Variants in SIGLEC9 observed in about 807,000 individuals in gnomAD.
The protein encoded by SIGLEC9 is sialic acid-binding Ig-like lectin 9.
In SIGLEC9, 26 loss-of-function variants were observed where a neutral mutation model predicts 38.3. That is an observed-to-expected ratio of 0.68 (90% CI 0.50 to 0.94). The LOEUF is 0.94. SIGLEC9 is among the 40% of genes least tolerant of loss of function. The pLI, the probability that SIGLEC9 is intolerant of heterozygous loss-of-function variation, is 0.00. For missense variants in SIGLEC9, 556 were observed against 585.7 expected, an observed-to-expected ratio of 0.95 and a Z score of 0.52; for synonymous variants, 236 against 248.0, an observed-to-expected ratio of 0.95 and a Z score of 0.45.
In SIGLEC9 at chr19:51,124,925, C is replaced by A. The variant is rs1393264374; in HGVS notation, c.-50C>A. The A allele has an allele frequency of 6.4e-7, 1 of 1,562,166 alleles. No individual in the cohort carries two copies. The highest frequency in any genetic ancestry group is 8.7e-7 in the Non-Finnish European group (1 of 1,154,742). ...GAGCCCGCAGTTCCTGAGAGAAGAA[C>A]CCTGAGGAACAGACGTTCCCTCGCG... On this transcript the variant is annotated 5_prime_UTR_variant, in exon 1 of 7. Coordinates refer to ENST00000250360, the MANE Select transcript of SIGLEC9 (RefSeq NM_014441.3).
At chr19:51,132,735 A>G (rs1467718426), downstream of SIGLEC9, among the ~76,000 whole-genome samples, 1 of 152,162 alleles carries the variant, frequency 6.6e-6, no homozygotes, top group Non-Finnish European at 1.5e-5. Context: ...TTTCTTTATA[A>G]ATTACCCAGC....
At position 51,126,121 on chromosome 19, in the gene SIGLEC9, C is replaced by T. The variant is rs774357117; in HGVS notation, c.741C>T (p.Asp247=). ...TGACCATGACTGTCTTCCAAGGAGA[C>T]GGCACAGGTAGGATGGAGCTCCCTC... The part of the protein sequence containing the change: ...QNLTMTVFQG[D]GTVSTVLGNG... The change falls in exon 3 of 7, where the codon GAC becomes GAT. Residue 247 remains aspartate (D), a synonymous_variant. Coordinates refer to ENST00000250360, the MANE Select transcript of SIGLEC9 (RefSeq NM_014441.3). The T allele has an allele frequency of 4.5e-5, 72 of 1,613,790 alleles. No homozygotes were observed. The highest frequency in any genetic ancestry group is 3.1e-4 in the East Asian group (14 of 44,880).
upstream of SIGLEC9, among the ~76,000 whole-genome samples, chr19:51,124,187 C>G (rs2122830685): frequency 6.6e-6 from 1 of 152,330 alleles, no homozygotes; most frequent in East Asian, 1.9e-4. Flanking sequence ...CCAAGCCCCA[C>G]AGTACAACAG....
chr19:51,125,593 C>T lies in SIGLEC9; in HGVS notation c.422-4C>T. ...CTGATCCTGAGTCCCCCTCTCTTCA[C>T]CAGCCTTGACCCACAGGCCCAACAT... On this transcript the variant is annotated splice_polypyrimidine_tract_variant and splice_region_variant and intron_variant, in intron 1 of 6. Coordinates refer to ENST00000250360, the MANE Select transcript of SIGLEC9 (RefSeq NM_014441.3). The T allele has an allele frequency of 6.2e-7, 1 of 1,609,422 alleles. No individual in the cohort carries two copies. The highest frequency in any genetic ancestry group is 8.5e-7 in the Non-Finnish European group (1 of 1,179,844).
intron 2 of SIGLEC9, 64 bp downstream of exon 2, chr19:51,125,939 G>T (rs990627150): frequency 6.2e-7 from 1 of 1,602,982 alleles, no homozygotes. Flanking sequence ...GACACTGGGT[G>T]CTGGGTCCCG....
Position 51,127,954 on chromosome 19 carries a change from G to A in SIGLEC9, c.1021G>A (p.Ala341Thr). The A allele has an allele frequency of 6.2e-7, 1 of 1,611,730 alleles. No homozygotes were observed. The highest frequency in any genetic ancestry group is 8.5e-7 in the Non-Finnish European group (1 of 1,178,220). The change falls in exon 5 of 7, where the codon GCC (alanine) becomes ACC (threonine). Residue 341 changes from alanine (A) to threonine (T), a missense_variant. By Grantham distance (58) the Ala-to-Thr change is moderately conservative. Coordinates refer to ENST00000250360, the MANE Select transcript of SIGLEC9 (RefSeq NM_014441.3). ...TAACTCCCATCTGTCAACAGGCAAA[G>A]CCACATCAGGAGTGACTCAGGGGGT... The part of the protein sequence containing the change: ...VYLNVSLQSK[A>T]TSGVTQGVVG...
chr19:51,131,312 G>A (rs2092013563), downstream of SIGLEC9, among the ~76,000 whole-genome samples: 1 of 152,174 alleles, frequency 6.6e-6, no homozygotes, highest in Admixed American at 6.5e-5. Flanking sequence ...TCATGGCCGG[G>A]CACAGTGTCT....
Position 51,130,067 on chromosome 19 carries a change from G to A in SIGLEC9, c.1380G>A (p.Lys460=). Residue 460 remains lysine, a synonymous_variant, in exon 7 of 7, where the codon AAG becomes AAA. Transcript: ENST00000250360. ...CTGACACCGAGTACTCGGAGATCAAGATCCACAGATGAGAAACTGCAGAGA... is the reference window on the plus strand; with the variant it reads ...CTGACACCGAGTACTCGGAGATCAAAATCCACAGATGAGAAACTGCAGAGA... ...EATDTEYSEI[K]IHR 4 of 1,611,148 alleles carry A rather than the reference G, an allele frequency of 2.5e-6. No homozygotes were observed. The highest frequency in any genetic ancestry group is 3.4e-6 in the Non-Finnish European group (4 of 1,178,472).
At chr19:51,124,823 G>A (rs771706719), upstream of SIGLEC9, 41 of 936,774 alleles carry the variant, frequency 4.4e-5, no homozygotes, top group Non-Finnish European at 6.1e-5. Flanking sequence ...ACAGTGTCTG[G>A]GTGTAAAGTT....
chr19:51,134,339 C>T (rs772895414), downstream of SIGLEC9, among the ~76,000 whole-genome samples: 3 of 151,460 alleles, frequency 2.0e-5, no homozygotes, highest in Non-Finnish European at 2.9e-5. Flanking sequence ...GAGATGACCA[C>T]CATGTTGGCC....
intron 1 of SIGLEC9, 71 bp downstream of exon 1, chr19:51,125,466 C>T: frequency 6.5e-7 from 1 of 1,546,256 alleles, no homozygotes; most frequent in East Asian, 2.2e-5. Flanking sequence ...TGGGATGGAG[C>T]CCCTGCCCCA....
At chr19:51,131,175 G>A (rs1186902862), downstream of SIGLEC9, among the ~76,000 whole-genome samples, 2 of 152,222 alleles carry the variant, frequency 1.3e-5, no homozygotes, top group Non-Finnish European at 2.9e-5. Flanking sequence ...ATCACTTTAT[G>A]CAGTAGCCCT....
At chr19:51,122,213 C>G (rs1210936160), upstream of SIGLEC9, among the ~76,000 whole-genome samples, 1 of 152,162 alleles carries the variant, frequency 6.6e-6, no homozygotes, top group Non-Finnish European at 1.5e-5. The surrounding 1 kb of genome is among the most constrained non-coding windows in gnomAD (Gnocchi z 4.1). Context: ...GACCCACTCC[C>G]CCTTCCAATC....
Position 51,125,117 on chromosome 19 carries a change from A to C in SIGLEC9, c.143A>C (p.His48Pro). 6.2e-7 allele frequency: 1 copy of C among 1,614,024 alleles called. No homozygotes were observed. The highest frequency in any genetic ancestry group is 8.5e-7 in the Non-Finnish European group (1 of 1,179,996). The change falls in exon 1 of 7, where the codon CAT (histidine) becomes CCT (proline). Residue 48 changes from histidine (H) to proline (P), a missense_variant. By Grantham distance (77) the His-to-Pro change is moderately conservative. Coordinates refer to ENST00000250360, the MANE Select transcript of SIGLEC9 (RefSeq NM_014441.3). ...HVPCSFSYPS[H>P]GWIYPGPVVH... ...CCCTGCTCCTTCTCCTACCCCTCGC[A>C]TGGCTGGATTTACCCTGGCCCAGTA...
At chr19:51,132,422 T>C (rs2092021307), downstream of SIGLEC9, among the ~76,000 whole-genome samples, 1 of 152,134 alleles carries the variant, frequency 6.6e-6, no homozygotes, top group African/African-American at 2.4e-5. Context: ...GTGCATGAGA[T>C]TGAAACTCCT....
chr19:51,121,854 C>T (rs1313170925), upstream of SIGLEC9, among the ~76,000 whole-genome samples: 1 of 152,138 alleles, frequency 6.6e-6, no homozygotes, highest in African/African-American at 2.4e-5. Flanking sequence ...TCCCAAAGTG[C>T]TGGGGTTACA....
chr19:51,125,395 G>C lies in SIGLEC9; in HGVS notation c.421G>C (p.Ala141Pro). Reference sequence around the variant, plus strand: ...TCACCGGCTCTCTGTGAATGTGACAGGTAAGGCACAGGCTCCAGGAAAGGC... The same window carrying C: ...TCACCGGCTCTCTGTGAATGTGACACGTAAGGCACAGGCTCCAGGAAAGGC... ...KHHRLSVNVT[A>P]LTHRPNILIP... is the part of the protein sequence containing the mutation. The change falls in exon 1 of 7, where the codon GCC (alanine) becomes CCC (proline). Residue 141 changes from alanine to proline, a missense_variant and splice_region_variant. Ala to Pro is a conservative substitution (Grantham distance 27). Transcript: ENST00000250360. The C allele has an allele frequency of 6.3e-7, 1 of 1,577,310 alleles. No individual in the cohort carries two copies. Among genetic ancestry groups the C allele is most frequent in the Non-Finnish European group, 8.6e-7 (1 of 1,160,750 alleles).
At chr19:51,128,344 G>T in intron 5 of SIGLEC9, 70 bp from the exon 6 acceptor site, 1 of 1,529,494 alleles carries the variant, frequency 6.5e-7, no homozygotes, top group East Asian at 2.2e-5. Flanking sequence ...GGAAACACAT[G>T]GGGGTACCTG....
chr19:51,131,915 CAA>C (rs534454904), downstream of SIGLEC9, among the ~76,000 whole-genome samples: 344 of 117,298 alleles, frequency 2.9e-3, 1 homozygote, highest in African/African-American at 7.0e-3. Flanking sequence ...GAGTCTGTGT[CAA>C]AAAAAAAAAA....
Sources: gnomAD v4.1 joint callset for allele counts (sites outside exome capture counted in the v4.1 genomes callset) on GRCh38, gnomAD v4.1.1 for gene constraint, Gnocchi (gnomAD v3.1) non-coding constraint, MANE v1.5 for transcripts, NCBI Gene and HGNC (gene_info 2026-07-23, HGNC 2026-07-21) for gene names.